The following IL4R variants were observed in gnomAD, a reference collection of about 807,000 sequenced individuals.
IL4R encodes the protein interleukin 4 receptor.
A neutral mutation model predicts 41.5 loss-of-function variants in IL4R; 17 were observed. The observed-to-expected ratio is 0.41, with a 90% CI of 0.28 to 0.61. The LOEUF is 0.61. IL4R is among the 20% of genes least tolerant of loss of function. IL4R has a pLI of 0.31. For missense variants in IL4R, 974 were observed against 1,043.1 expected, an observed-to-expected ratio of 0.93 and a Z score of 0.91; for synonymous variants, 402 against 422.9, an observed-to-expected ratio of 0.95 and a Z score of 0.61.
At chr16:27,337,173 G>A (rs1243487557) in intron 2 of IL4R, among the ~76,000 whole-genome samples, 1 of 152,126 alleles carries the variant, frequency 6.6e-6, no homozygotes, top group Non-Finnish European at 1.5e-5. Flanking sequence ...GCTGGGCCCA[G>A]GTGGAGAGGG....
chr16:27,346,672 G>T, intron 6 of IL4R, 54 bp downstream of exon 6: 2 of 1,588,336 alleles, frequency 1.3e-6, no homozygotes, highest in South Asian at 1.1e-5. Flanking sequence ...CAGGGTGGGT[G>T]ACCAGCAGAG....
chr16:27,342,863 T>G (rs1223061148), intron 4 of IL4R, among the ~76,000 whole-genome samples: 7 of 152,160 alleles, frequency 4.6e-5, no homozygotes, highest in Admixed American at 6.5e-5. Flanking sequence ...ATCAATTACA[T>G]GATCACAGGT....
chr16:27,361,024 C>A (rs917345810), intron 10 of IL4R: 2 of 1,447,924 alleles, frequency 1.4e-6, no homozygotes, highest in African/African-American at 2.8e-5. Flanking sequence ...GTGTCAGGTA[C>A]ATGGTGATAC....
Position 27,363,049 on chromosome 16 carries a change from C to T in IL4R, c.1697C>T (p.Ala566Val), listed in dbSNP as rs756023095. The T allele has an allele frequency of 7.4e-6, 12 of 1,614,002 alleles. No individual in the cohort carries two copies. The highest frequency in any genetic ancestry group is 1.0e-5 in the Non-Finnish European group (12 of 1,180,040). ...RNVLQHGAAA[A>V]PVSAPTSGYQ... Reference sequence around the variant, plus strand: ...GTCCTCCAGCATGGGGCAGCTGCAGCCCCCGTCTCGGCCCCCACCAGTGGC... The same window carrying T: ...GTCCTCCAGCATGGGGCAGCTGCAGTCCCCGTCTCGGCCCCCACCAGTGGC... Residue 566 changes from alanine to valine, a missense_variant, in exon 11 of 11, where the codon GCC becomes GTC. Coordinates refer to ENST00000395762, the MANE Select transcript of IL4R (RefSeq NM_000418.4).
chr16:27,332,904 T>G (rs760913916), intron 2 of IL4R, among the ~76,000 whole-genome samples: 2 of 152,090 alleles, frequency 1.3e-5, no homozygotes, highest in Non-Finnish European at 2.9e-5. Flanking sequence ...TAGTTTCTCT[T>G]GTGATTTCTT....
intron 3 of IL4R, among the ~76,000 whole-genome samples, chr16:27,341,566 G>T (rs1006411336): frequency 6.6e-6 from 1 of 152,092 alleles, no homozygotes; most frequent in Non-Finnish European, 1.5e-5. Context: ...CTAGGAGGGC[G>T]CTGAAAGGAG....
intron 9 of IL4R, 136 bp from the exon 10 acceptor site, chr16:27,360,630 C>A: frequency 9.5e-7 from 1 of 1,053,964 alleles, no homozygotes; most frequent in Non-Finnish European, 1.5e-6. Flanking sequence ...GAATCTGAAG[C>A]TCAGAAAGCG....
At chr16:27,328,007 C>A (rs1262272948) in intron 1 of IL4R, among the ~76,000 whole-genome samples, 1 of 151,672 alleles carries the variant, frequency 6.6e-6, no homozygotes, top group Non-Finnish European at 1.5e-5. Flanking sequence ...GTCAAGAGAT[C>A]GAGACCATCC....
rs775887007 is a variant in IL4R, at chr16:27,362,482, T to A, written c.1130T>A (p.Val377Glu). 2 of 1,612,246 alleles carry A rather than the reference T, an allele frequency of 1.2e-6. No individual in the cohort carries two copies. The highest frequency in any genetic ancestry group is 1.7e-6 in the Non-Finnish European group (2 of 1,179,500). The change falls in exon 11 of 11, where the codon GTA (valine) becomes GAA (glutamate). Residue 377 changes from valine to glutamate, a missense_variant. By Grantham distance (121) the Val-to-Glu change is moderately radical. Transcript: ENST00000395762. ...APVECEEEEEVEEEKGSFCAS... is the reference protein window; with the variant it reads ...APVECEEEEEEEEEKGSFCAS... ...GTGGAGTGTGAGGAGGAGGAGGAGG[T>A]AGAGGAAGAAAAAGGGAGCTTCTGT...
At chr16:27,360,903 C>T in intron 10 of IL4R, 88 bp downstream of exon 10, 1 of 1,611,102 alleles carries the variant, frequency 6.2e-7, no homozygotes, top group Non-Finnish European at 8.5e-7. Context: ...TGTCTGCCTT[C>T]TCTTCCCTGC....
chr16:27,346,808 C>G lies in IL4R; in HGVS notation c.513+190C>G, dbSNP rs868468365. Among the ~76,000 whole-genome samples, 44 of 152,206 alleles carry G rather than the reference C, an allele frequency of 2.9e-4. 1 individual carries two copies. Among genetic ancestry groups the G allele is most frequent in the Admixed American group, 7.8e-4 (12 of 15,290 alleles). ...CAAGTCCCTTTGCTTCCTGGCCCCC[C>G]ACCCCTCACATCAGAGAAGGGGAGT... On this transcript the variant is annotated intron_variant, in intron 6 of 10. Transcript: ENST00000395762.
rs1278519033 is a variant in IL4R at position 27,313,997 on chromosome 16, G to T, written c.-175G>T. The T allele has an allele frequency of 1.0e-6, 1 of 984,840 alleles. No individual in the cohort carries two copies. Among genetic ancestry groups the T allele is most frequent in the Non-Finnish European group, 1.2e-6 (1 of 829,796 alleles). 61.0% of individuals were successfully genotyped at this position (984,840 alleles called of 1,614,324 possible). A position where few individuals can be genotyped will look rare whatever the true frequency, so the allele number is the denominator to read the frequency against. ...CCACTTCCCGCTTGGGCGCCCGGAC[G>T]GCGAATGGAGCAGGGGCGCGCAGGT... On this transcript the variant is annotated 5_prime_UTR_variant, in exon 1 of 11. Transcript: ENST00000395762.
chr16:27,342,286 T>C, intron 4 of IL4R, 27 bp downstream of exon 4: 2 of 1,613,772 alleles, frequency 1.2e-6, no homozygotes, highest in Non-Finnish European at 1.7e-6. Flanking sequence ...GCTGGAGGTT[T>C]GGGGAGGTTG....
chr16:27,361,625 T>C (rs1264376247), intron 10 of IL4R, among the ~76,000 whole-genome samples: 2 of 149,490 alleles, frequency 1.3e-5, no homozygotes, highest in African/African-American at 4.9e-5. Flanking sequence ...TTTTTTTTTT[T>C]TTTTTTTGGA....
rs535750734 is a variant in IL4R, at chr16:27,335,955, G to C, written c.-18-4231G>C. Reference sequence around the variant, plus strand: ...ATTTCCTGATTTCGATGGTTGTATTGTGATTATGCAGAGAATGTCCTTGTT... The same window carrying C: ...ATTTCCTGATTTCGATGGTTGTATTCTGATTATGCAGAGAATGTCCTTGTT... On this transcript the variant is annotated intron_variant, in intron 2 of 10. Transcript: ENST00000395762. 5.3e-5 allele frequency among the ~76,000 whole-genome samples: 8 copies of C among 152,240 alleles called. No homozygotes were observed. The South Asian group carries it at 1.2e-3, about 24-fold the overall frequency.
intron 1 of IL4R, among the ~76,000 whole-genome samples, chr16:27,327,986 C>T (rs367808185): frequency 4.6e-5 from 7 of 151,782 alleles, no homozygotes; most frequent in Admixed American, 2.0e-4. Context: ...CTGAGGCAGG[C>T]GGATCAGGAG....
At chr16:27,341,535 C>T (rs2085442136) in intron 3 of IL4R, among the ~76,000 whole-genome samples, 1 of 152,136 alleles carries the variant, frequency 6.6e-6, no homozygotes, top group African/African-American at 2.4e-5. Context: ...CAATTCCAGT[C>T]CTGCCATGGC....
intron 6 of IL4R, among the ~76,000 whole-genome samples, chr16:27,350,593 C>T (rs998690449): frequency 3.3e-5 from 5 of 152,068 alleles, no homozygotes; most frequent in African/African-American, 1.2e-4. Context: ...AGGTGCATAG[C>T]CCTGGATCTC....
chr16:27,346,766 C>T (rs1227557786), intron 6 of IL4R, 148 bp downstream of exon 6: 1 of 818,208 alleles, frequency 1.2e-6, no homozygotes, highest in East Asian at 2.5e-5. Context: ...TGGCTTCTCA[C>T]CTGGCTCTGC....
Sources: allele counts gnomAD v4.1 joint callset (sites outside exome capture counted in the v4.1 genomes callset), GRCh38; gene constraint gnomAD v4.1.1; transcripts MANE v1.5; gene names NCBI Gene and HGNC (gene_info 2026-07-23, HGNC 2026-07-21).